Variants in COL11A1 observed in about 807,000 individuals in gnomAD.
COL11A1 encodes collagen type XI alpha 1 chain.
In COL11A1, 74 loss-of-function variants were observed where a neutral mutation model predicts 265.2. That is an observed-to-expected ratio of 0.28 (90% confidence interval 0.23 to 0.34). The LOEUF (loss-of-function observed/expected upper bound fraction) is 0.34, where lower values mean the gene tolerates loss of function less well. Ranked by LOEUF, COL11A1 falls within the 10% of genes least tolerant of loss-of-function variation. The pLI, the probability that COL11A1 is intolerant of heterozygous loss-of-function variation, is 1.00. For synonymous variants in COL11A1, 816 were observed against 727.6 expected, an observed-to-expected ratio of 1.12 and a Z score of -1.96; for missense variants, 2,165 against 2,263.6, an observed-to-expected ratio of 0.96 and a Z score of 0.88.
intron 2 of COL11A1, among the ~76,000 whole-genome samples, chr1:103,080,717 T>A (rs115369409): frequency 0.015 from 2,218 of 151,832 alleles, 44 homozygotes; most frequent in African/African-American, 0.051. Flanking sequence ...ATACTATTGG[T>A]GAAAATGTAA....
Position 103,023,445 on chromosome 1 carries a change from C to T in COL11A1, c.991-449G>A, listed in dbSNP as rs149612583. Reference sequence around the variant, plus strand: ...CAATCTTGGTTCACAGCAACCTCCACCTCCTGGGTTCAAGTGATTCTCCTG... The same window carrying T: ...CAATCTTGGTTCACAGCAACCTCCATCTCCTGGGTTCAAGTGATTCTCCTG... On this transcript the variant is annotated intron_variant, in intron 7 of 66. Coordinates refer to ENST00000370096, the MANE Select transcript of COL11A1 (RefSeq NM_001854.4). Among the ~76,000 whole-genome samples, 1,155 of 151,426 alleles carry T rather than the reference C, an allele frequency of 7.6e-3. 3 individuals carry two copies. The highest frequency in any genetic ancestry group is 0.011 in the Non-Finnish European group (769 of 67,898).
chr1:102,900,132 G>A (rs948217486), intron 54 of COL11A1, among the ~76,000 whole-genome samples: 8 of 152,052 alleles, frequency 5.3e-5, no homozygotes, highest in African/African-American at 1.9e-4. Context: ...AGTCAATGAT[G>A]ACATCATTAG....
chr1:103,028,354 C>T (rs192667662), intron 5 of COL11A1, among the ~76,000 whole-genome samples: 47 of 152,198 alleles, frequency 3.1e-4, no homozygotes, highest in Non-Finnish European at 1.2e-4. Context: ...TCTTTTAGAG[C>T]TTATTCACTC....
chr1:103,045,320 G>A (rs1571138186), intron 4 of COL11A1, among the ~76,000 whole-genome samples: 1 of 152,140 alleles, frequency 6.6e-6, no homozygotes, highest in African/African-American at 2.4e-5. Context: ...CTTTTGGCCA[G>A]GTGCTACTTG....
intron 14 of COL11A1, among the ~76,000 whole-genome samples, chr1:103,011,881 A>T (rs575880787): frequency 6.6e-6 from 1 of 152,238 alleles, no homozygotes; most frequent in South Asian, 2.1e-4. Context: ...CTATCACGCT[A>T]GTGAGAAAAA....
At chr1:103,087,704 A>G (rs1414232546) in intron 1 of COL11A1, among the ~76,000 whole-genome samples, 1 of 152,214 alleles carries the variant, frequency 6.6e-6, no homozygotes, top group African/African-American at 2.4e-5. Flanking sequence ...GAAGGATAAG[A>G]ATATACCTGG....
At chr1:103,033,660 A>G (rs914473842) in intron 4 of COL11A1, among the ~76,000 whole-genome samples, 2 of 152,108 alleles carry the variant, frequency 1.3e-5, no homozygotes, top group Non-Finnish European at 1.5e-5. Flanking sequence ...AATCTTTTAT[A>G]TTTACCTTTC....
At chr1:102,974,924 T>A (rs773488506) in intron 35 of COL11A1, 41 bp from the exon 36 acceptor site, 10 of 1,420,254 alleles carry the variant, frequency 7.0e-6, no homozygotes, top group Non-Finnish European at 1.0e-5. Flanking sequence ...ACAATATGCC[T>A]TAGAAGATGC....
chr1:103,053,765 C>T (rs1392549079), intron 4 of COL11A1, among the ~76,000 whole-genome samples: 1 of 152,126 alleles, frequency 6.6e-6, no homozygotes, highest in Non-Finnish European at 1.5e-5. Context: ...TGTGGAATCT[C>T]AATTTGTTAA....
intron 41 of COL11A1, among the ~76,000 whole-genome samples, chr1:102,959,714 T>G (rs1660712899): frequency 6.6e-6 from 1 of 152,196 alleles, no homozygotes; most frequent in Non-Finnish European, 1.5e-5. Context: ...TAAAAGTACA[T>G]TTAATGTTAT....
At chr1:102,898,595 C>A (rs566343275) in intron 56 of COL11A1, 71 bp downstream of exon 56, 2 of 1,170,672 alleles carry the variant, frequency 1.7e-6, no homozygotes, top group Non-Finnish European at 1.3e-6. Context: ...AACATAGACA[C>A]CTTCATTCAA....
chr1:102,885,539 T>G (rs951821399), intron 63 of COL11A1, among the ~76,000 whole-genome samples: 1 of 152,122 alleles, frequency 6.6e-6, no homozygotes, highest in Non-Finnish European at 1.5e-5. Context: ...TCGCATAACT[T>G]TAATATCTTT....
intron 49 of COL11A1, among the ~76,000 whole-genome samples, chr1:102,917,505 TA>T (rs1431378379): frequency 6.6e-6 from 1 of 151,900 alleles, no homozygotes; most frequent in Non-Finnish European, 1.5e-5. Flanking sequence ...TTAATTAAAC[TA>T]AAAAGCTTCT....
chr1:103,041,594 G>T (rs1456266432), intron 4 of COL11A1, among the ~76,000 whole-genome samples: 1 of 151,666 alleles, frequency 6.6e-6, no homozygotes, highest in Middle Eastern at 3.2e-3. Flanking sequence ...TTAGAGAATT[G>T]AAGTCTCTTT....
intron 30 of COL11A1, among the ~76,000 whole-genome samples, chr1:102,986,755 G>A (rs1179307785): frequency 6.6e-6 from 1 of 151,996 alleles, no homozygotes; most frequent in East Asian, 1.9e-4. Flanking sequence ...AAATTTCAAT[G>A]TTGCCTAATA....
At chr1:102,993,144 T>C (rs1236094316) in intron 28 of COL11A1, among the ~76,000 whole-genome samples, 1 of 152,154 alleles carries the variant, frequency 6.6e-6, no homozygotes, top group Non-Finnish European at 1.5e-5. Flanking sequence ...CCTTGATGGA[T>C]ACTAATTCCA....
At position 102,989,574 on chromosome 1, in the gene COL11A1, A is replaced by T. The variant is rs749863147; in HGVS notation, c.2341-3T>A. ...AATCCTGGAAAACCATCTTCACCCT[A>T]AAACATTATAAAAGGAATTAAATAG... On this transcript the variant is annotated splice_region_variant and splice_polypyrimidine_tract_variant and intron_variant, in intron 28 of 66. Coordinates refer to ENST00000370096, the MANE Select transcript of COL11A1 (RefSeq NM_001854.4). 1.2e-6 allele frequency: 2 copies of T among 1,604,934 alleles called. No homozygotes were observed. Among genetic ancestry groups the T allele is most frequent in the Non-Finnish European group, 8.5e-7 (1 of 1,172,438 alleles).
Position 102,935,079 on chromosome 1 carries a change from A to G in COL11A1, c.3473T>C (p.Val1158Ala), listed in dbSNP as rs375675171. Residue 1158 changes from valine to alanine, a missense_variant, in exon 45 of 67, where the codon GTT (valine) becomes GCT (alanine). Transcript: ENST00000370096. ...PPGPPGLQGP[V>A]GAPGIAGGDG... ...ACTCACAGCAATTCCAGGGGCACCA[A>G]CTGGTCCTTGAAGACCTGGGGGACC... The G allele has an allele frequency of 3.7e-4, 590 of 1,613,976 alleles. 1 individual carries two copies. Among genetic ancestry groups the G allele is most frequent in the Non-Finnish European group, 4.7e-4 (555 of 1,179,978 alleles).
chr1:102,996,076 T>C, intron 26 of COL11A1, 34 bp from the exon 27 acceptor site: 1 of 1,603,568 alleles, frequency 6.2e-7, no homozygotes, highest in Non-Finnish European at 8.5e-7. Flanking sequence ...ATACGTGTAA[T>C]AAATTGAAAG....
Sources: allele counts gnomAD v4.1 joint callset (sites outside exome capture counted in the v4.1 genomes callset), GRCh38; gene constraint gnomAD v4.1.1; transcripts MANE v1.5; gene names NCBI Gene and HGNC (gene_info 2026-07-23, HGNC 2026-07-21).